NSUN3: variants seen among roughly 807,000 people sequenced by gnomAD.
The protein encoded by NSUN3 is NOP2/Sun RNA methyltransferase 3, also known as tRNA (cytosine(34)-C(5))-methyltransferase, mitochondrial.
Under a neutral mutation model 36.8 loss-of-function variants are expected in NSUN3, and 24 were observed. That is an observed-to-expected ratio of 0.65 (90% CI 0.47 to 0.92). NSUN3 has a LOEUF of 0.92. Among genes scored for constraint, NSUN3 ranks in the 40% least tolerant of loss-of-function variants. The probability of loss-of-function intolerance (pLI) is 0.00; values close to 1 mark genes in which losing one functional copy is unlikely to be tolerated. For synonymous variants in NSUN3, 146 were observed against 145.2 expected, an observed-to-expected ratio of 1.01 and a Z score of -0.04; for missense variants, 381 against 392.8, an observed-to-expected ratio of 0.97 and a Z score of 0.25.
intron 5 of NSUN3, among the ~76,000 whole-genome samples, chr3:94,098,203 A>C (rs956201409): frequency 6.6e-6 from 1 of 152,104 alleles, no homozygotes; most frequent in Non-Finnish European, 1.5e-5. Flanking sequence ...TCATATATTC[A>C]ATCAATCACT....
At chr3:94,083,885 A>G (rs1294667876) in intron 2 of NSUN3, among the ~76,000 whole-genome samples, 1 of 152,140 alleles carries the variant, frequency 6.6e-6, no homozygotes, top group Non-Finnish European at 1.5e-5. Context: ...AGTGAACGAA[A>G]TACCAGTTTT....
intron 3 of NSUN3, among the ~76,000 whole-genome samples, chr3:94,088,431 T>G (rs2077301690): frequency 6.6e-6 from 1 of 152,200 alleles, no homozygotes; most frequent in Admixed American, 6.5e-5. Flanking sequence ...TGACTATCAC[T>G]GATGACCATT....
intron 3 of NSUN3, among the ~76,000 whole-genome samples, chr3:94,091,255 C>T (rs556035279): frequency 4.0e-5 from 6 of 151,840 alleles, no homozygotes; most frequent in South Asian, 2.1e-4. Flanking sequence ...CTCTTGAGAA[C>T]GAGAGTTCAA....
chr3:94,113,648 A>G (rs1273536075), intron 5 of NSUN3, among the ~76,000 whole-genome samples: 1 of 152,218 alleles, frequency 6.6e-6, no homozygotes, highest in Non-Finnish European at 1.5e-5. Context: ...TAATGGCAGA[A>G]TCAGGTAAAT....
At position 94,094,186 on chromosome 3, in the gene NSUN3, A is replaced by G. The variant is rs2107255095; in HGVS notation, c.513A>G (p.Leu171=). ...ATGATAGTCTGAGATTGAGGTGGCT[A>G]AGGCAGACGTTGGAATCTTTCATCC... ...NEYDSLRLRW[L]RQTLESFIPQ... is the part of the protein sequence containing the mutation. Residue 171 remains leucine, a synonymous_variant, in exon 4 of 6, where the codon CTA becomes CTG. Transcript: ENST00000314622. 1 of 1,613,182 alleles carries G rather than the reference A, an allele frequency of 6.2e-7. No homozygotes were observed. The highest frequency in any genetic ancestry group is 1.1e-5 in the South Asian group (1 of 91,006).
At chr3:94,105,225 G>A (rs529119883) in intron 5 of NSUN3, among the ~76,000 whole-genome samples, 4 of 152,168 alleles carry the variant, frequency 2.6e-5, no homozygotes, top group Admixed American at 6.5e-5. Context: ...TGCCTCCCCC[G>A]AATCTTCTTT....
intron 2 of NSUN3, chr3:94,076,158 T>G: frequency 8.4e-7 from 1 of 1,189,028 alleles, no homozygotes; most frequent in Non-Finnish European, 1.3e-6. Flanking sequence ...TCCTAGACAT[T>G]CAGTCTGCGA....
chr3:94,064,367 C>T, intron 1 of NSUN3, 70 bp from the exon 2 acceptor site: 1 of 909,076 alleles, frequency 1.1e-6, no homozygotes, highest in Non-Finnish European at 1.8e-6. Context: ...AAAAAAAGAC[C>T]TTGCTAATGT....
At position 94,084,459 on chromosome 3, in the gene NSUN3, C is replaced by T; in HGVS notation, c.466+9C>T. ...GCAGTGTGCTTGTCCAGGTAGTGTG[C>T]TTTCCTTTCAGTATTTGACAACTTT... On this transcript the variant is annotated intron_variant, in intron 3 of 5. Coordinates refer to ENST00000314622, the MANE Select transcript of NSUN3 (RefSeq NM_022072.5). The T allele has an allele frequency of 6.3e-7, 1 of 1,589,956 alleles. No homozygotes were observed. Among genetic ancestry groups the T allele is most frequent in the Non-Finnish European group, 8.6e-7 (1 of 1,165,956 alleles).
intron 2 of NSUN3, among the ~76,000 whole-genome samples, chr3:94,066,812 C>T (rs1157600230): frequency 6.6e-6 from 1 of 152,162 alleles, no homozygotes; most frequent in Non-Finnish European, 1.5e-5. Context: ...ACTTATGTTG[C>T]CTTTGCTACC....
At chr3:94,095,007 G>T in intron 4 of NSUN3, 26 bp from the exon 5 acceptor site, 2 of 1,611,792 alleles carry the variant, frequency 1.2e-6, no homozygotes, top group Non-Finnish European at 1.7e-6. Flanking sequence ...GTGCATATTT[G>T]CATCACTTGT....
chr3:94,101,321 A>C (rs1244889254), intron 5 of NSUN3, among the ~76,000 whole-genome samples: 1 of 152,068 alleles, frequency 6.6e-6, no homozygotes, highest in African/African-American at 2.4e-5. Flanking sequence ...TTAAACTGTT[A>C]GTAGATATGT....
At chr3:94,117,310 A>G (rs1384108265) in intron 5 of NSUN3, among the ~76,000 whole-genome samples, 2 of 151,970 alleles carry the variant, frequency 1.3e-5, no homozygotes, top group African/African-American at 2.4e-5. Context: ...TCACAACTTA[A>G]TTTTTAAAAA....
intron 2 of NSUN3, among the ~76,000 whole-genome samples, chr3:94,070,490 A>G (rs1378805413): frequency 6.6e-6 from 1 of 152,140 alleles, no homozygotes; most frequent in African/African-American, 2.4e-5. Flanking sequence ...CAGACTTAGC[A>G]TGTTGGAGGG....
intron 5 of NSUN3, among the ~76,000 whole-genome samples, chr3:94,120,660 C>G (rs1031963610): frequency 6.6e-6 from 1 of 152,140 alleles, no homozygotes; most frequent in African/African-American, 2.4e-5. Flanking sequence ...ACACATTTTG[C>G]TTGGCAGTTC....
chr3:94,074,150 T>C (rs952411258), intron 2 of NSUN3, among the ~76,000 whole-genome samples: 3 of 152,180 alleles, frequency 2.0e-5, no homozygotes, highest in Non-Finnish European at 2.9e-5. Flanking sequence ...TTCTGTTCCA[T>C]TGGTTGTATA....
intron 5 of NSUN3, among the ~76,000 whole-genome samples, chr3:94,124,377 T>G (rs1052819214): frequency 6.6e-6 from 1 of 152,092 alleles, no homozygotes; most frequent in Non-Finnish European, 1.5e-5. Flanking sequence ...TCCATCTGCC[T>G]CGGTCTCCCA....
In NSUN3 at chr3:94,129,919, AT is replaced by A. The variant is rs1417471432; in HGVS notation, c.*3437del. ...AGGCACCCGCCACCATGCTTGGCTA[AT>A]TTTTTTTGTATTTTTAGTAAAGATG... On this transcript the variant is annotated 3_prime_UTR_variant, in exon 6 of 6. Coordinates refer to ENST00000314622, the MANE Select transcript of NSUN3 (RefSeq NM_022072.5). 6.6e-6 allele frequency among the ~76,000 whole-genome samples: 1 copy of A among 150,646 alleles called. No homozygotes were observed. Among genetic ancestry groups the A allele is most frequent in the East Asian group, 2.0e-4 (1 of 5,116 alleles).
intron 5 of NSUN3, among the ~76,000 whole-genome samples, chr3:94,125,173 C>A (rs2077480416): frequency 6.6e-6 from 1 of 152,136 alleles, no homozygotes. Context: ...GATCATATTT[C>A]TCTTTTGTTC....
Sources: allele counts gnomAD v4.1 joint callset (sites outside exome capture counted in the v4.1 genomes callset), GRCh38; gene constraint gnomAD v4.1.1; transcripts MANE v1.5; gene names NCBI Gene and HGNC (gene_info 2026-07-23, HGNC 2026-07-21).